CD4: variants seen among roughly 807,000 people sequenced by gnomAD.
CD4 encodes the protein CD4 molecule.
CD4 carries 25 observed loss-of-function variants against 50.5 expected under a neutral mutation model. The observed-to-expected ratio is 0.49, with a 90% CI of 0.36 to 0.69. The LOEUF (loss-of-function observed/expected upper bound fraction) is 0.69. Ranked by LOEUF, CD4 falls within the 30% of genes least tolerant of loss-of-function variation. CD4 has a pLI of 0.00. For missense variants in CD4, 456 were observed against 548.5 expected (o/e 0.83, Z 1.68); for synonymous variants, 207 against 221.9 (o/e 0.93, Z 0.60).
chr12:6,814,514 G>T, intron 4 of CD4: 1 of 641,336 alleles, frequency 1.6e-6, no homozygotes. Flanking sequence ...GAAAAGGAAA[G>T]AAAAGGGAAG....
chr12:6,795,953 G>A (rs915717262), intron 1 of CD4, among the ~76,000 whole-genome samples: 4 of 152,234 alleles, frequency 2.6e-5, no homozygotes, highest in Admixed American at 6.5e-5. Context: ...GCCCCGTGGG[G>A]ATGAACAGCT....
At chr12:6,804,732 C>T (rs932274428) in intron 3 of CD4, among the ~76,000 whole-genome samples, 2 of 151,932 alleles carry the variant, frequency 1.3e-5, no homozygotes, top group Admixed American at 1.3e-4. Flanking sequence ...ATTAGCTGAG[C>T]ATGGCCGGGT....
intron 3 of CD4, among the ~76,000 whole-genome samples, chr12:6,811,169 G>A (rs782536257): frequency 6.6e-6 from 1 of 152,248 alleles, no homozygotes; most frequent in Non-Finnish European, 1.5e-5. Context: ...AGGGTGAGAG[G>A]CTTTAGTCTT....
At chr12:6,812,611 G>A (rs984904853) in intron 3 of CD4, among the ~76,000 whole-genome samples, 4 of 152,018 alleles carry the variant, frequency 2.6e-5, no homozygotes, top group East Asian at 1.9e-4. Context: ...CCCGGGAGGC[G>A]GAGGTTGCGG....
chr12:6,814,120 C>G (rs10849523), intron 3 of CD4, 22 bp from the exon 4 acceptor site: 89,324 of 1,610,394 alleles, frequency 0.055, 5,143 homozygotes, highest in African/African-American at 0.25. Context: ...TCAGTCCCCC[C>G]CCATATGTCT....
chr12:6,793,408 G>C (rs1192425180), intron 1 of CD4, among the ~76,000 whole-genome samples: 3 of 152,086 alleles, frequency 2.0e-5, no homozygotes, highest in African/African-American at 7.2e-5. Flanking sequence ...TTCATCCCCT[G>C]CTCACCAAGG....
chr12:6,817,698 A>G (rs1943118294), intron 7 of CD4, among the ~76,000 whole-genome samples: 1 of 151,066 alleles, frequency 6.6e-6, no homozygotes, highest in Non-Finnish European at 1.5e-5. Flanking sequence ...ACATGCACAC[A>G]CTCCCATACA....
In CD4 at chr12:6,819,310, A is replaced by G; in HGVS notation, c.1358A>G (p.Lys453Arg). 1 of 1,614,148 alleles carries G rather than the reference A, an allele frequency of 6.2e-7. No homozygotes were observed. The highest frequency in any genetic ancestry group is 1.1e-5 in the South Asian group (1 of 91,086). ...KTCQCPHRFQKTCSPI is the reference protein window; with the variant it reads ...KTCQCPHRFQRTCSPI ...CTTTGTTCCTGCAGCCGGTTTCAGA[A>G]GACATGTAGCCCCATTTGAGGCACG... is the stretch of plus-strand genomic sequence containing the variant. Residue 453 changes from lysine (K) to arginine (R), a missense_variant, in exon 10 of 10, where the codon AAG (lysine) becomes AGG (arginine). Lys to Arg is a conservative substitution (Grantham distance 26). Coordinates refer to ENST00000011653, the MANE Select transcript of CD4 (RefSeq NM_000616.5).
At chr12:6,795,958 A>C (rs1942364638) in intron 1 of CD4, among the ~76,000 whole-genome samples, 1 of 152,218 alleles carries the variant, frequency 6.6e-6, no homozygotes, top group African/African-American at 2.4e-5. Context: ...GTGGGGATGA[A>C]CAGCTTGGAT....
rs555747546 is a variant in CD4 at position 6,812,401 on chromosome 12, TG to T, written c.215-1738del. Among the ~76,000 whole-genome samples, 274 of 152,146 alleles carry T rather than the reference TG, an allele frequency of 1.8e-3. 1 individual carries two copies. Among genetic ancestry groups the T allele is most frequent in the African/African-American group, 6.4e-3 (267 of 41,512 alleles). ...AAACAAACAAAAAAAGAAAGCAGGC[TG>T]GGTGTGGTGGCTCACGCCTGTAACC... On this transcript the variant is annotated intron_variant, in intron 3 of 9. Transcript: ENST00000011653.
rs932084810 is a variant in CD4, at chr12:6,806,702, T to C, written c.214+6231T>C. 3.4e-4 allele frequency among the ~76,000 whole-genome samples: 52 copies of C among 152,144 alleles called. 1 individual carries two copies. The highest frequency in any genetic ancestry group is 1.5e-5 in the Non-Finnish European group (1 of 68,034). On this transcript the variant is annotated intron_variant, in intron 3 of 9. Coordinates refer to ENST00000011653, the MANE Select transcript of CD4 (RefSeq NM_000616.5). ...AACATCATTAATCATTAGGGATATG[T>C]ACATTAAAACCACAATAGGCTATCA...
Position 6,816,475 on chromosome 12 carries a change from G to A in CD4, c.955+72G>A. On this transcript the variant is annotated intron_variant, in intron 6 of 9. Transcript: ENST00000011653. The surrounding 1 kb of genome is among the most constrained non-coding windows in gnomAD (Gnocchi z 4.9). ...GGGCCTGGCCCAGGGCTCCCTCTGAGGCAAGCCAGGCCCCAAGAGGGGATG... is the reference window on the plus strand; with the variant it reads ...GGGCCTGGCCCAGGGCTCCCTCTGAAGCAAGCCAGGCCCCAAGAGGGGATG... 1 of 1,256,980 alleles carries A rather than the reference G, an allele frequency of 8.0e-7. No homozygotes were observed. The highest frequency in any genetic ancestry group is 1.1e-6 in the Non-Finnish European group (1 of 911,474). 77.9% of individuals were successfully genotyped at this position (1,256,980 alleles called of 1,614,324 possible).
intron 1 of CD4, among the ~76,000 whole-genome samples, chr12:6,795,193 T>A (rs1050332667): frequency 1.3e-5 from 2 of 152,142 alleles, no homozygotes; most frequent in Non-Finnish European, 2.9e-5. Flanking sequence ...ATCATCTATC[T>A]AATCTGTCTG....
rs542795990 is a variant in CD4, at chr12:6,792,301, G to A, written c.-68+2639G>A. Among the ~76,000 whole-genome samples the A allele has an allele frequency of 3.9e-5, 6 of 152,218 alleles. No homozygotes were observed. In the East Asian group the frequency reaches 5.8e-4, roughly 15 times the overall value. ...ATCCCTGGGGGCCAGGGGTGAGGGC[G>A]GCAGGAACCTCAAGGCTCTGAGAAA... On this transcript the variant is annotated intron_variant, in intron 1 of 9. Transcript: ENST00000011653. The surrounding 1 kb of genome is among the most constrained non-coding windows in gnomAD (Gnocchi z 4.1).
chr12:6,813,990 T>C, intron 3 of CD4, 152 bp from the exon 4 acceptor site: 1 of 677,838 alleles, frequency 1.5e-6, no homozygotes, highest in South Asian at 1.8e-5. Flanking sequence ...TGATGAGACC[T>C]CCTTGCCAGA....
At chr12:6,809,299 C>T (rs1182809873) in intron 3 of CD4, among the ~76,000 whole-genome samples, 1 of 152,102 alleles carries the variant, frequency 6.6e-6, no homozygotes, top group African/African-American at 2.4e-5. Context: ...ATTTCGAGAC[C>T]AGCCTGGGCA....
intron 3 of CD4, among the ~76,000 whole-genome samples, chr12:6,803,790 AT>A (rs2137874818): frequency 6.7e-6 from 1 of 150,160 alleles, no homozygotes; most frequent in African/African-American, 2.4e-5. Context: ...ATCACAAAAA[AT>A]AAATAAATAA....
At chr12:6,805,101 T>C (rs1209472009) in intron 3 of CD4, among the ~76,000 whole-genome samples, 1 of 510 alleles carries the variant, frequency 2.0e-3, no homozygotes, top group East Asian at 0.031. Context: ...GGAGGATTGC[T>C]TGAGCCCTAG....
intron 1 of CD4, among the ~76,000 whole-genome samples, chr12:6,794,382 T>G (rs1942299311): frequency 6.7e-6 from 1 of 150,078 alleles, no homozygotes; most frequent in Admixed American, 6.7e-5. Context: ...TCTATCTTTT[T>G]TTTTTTTGAG....
Sources: gnomAD v4.1 joint callset for allele counts (sites outside exome capture counted in the v4.1 genomes callset) on GRCh38, gnomAD v4.1.1 for gene constraint, Gnocchi (gnomAD v3.1) non-coding constraint, MANE v1.5 for transcripts, NCBI Gene and HGNC (gene_info 2026-07-23, HGNC 2026-07-21) for gene names.